Variants in CYSLTR1 observed in about 807,000 individuals in gnomAD.
CYSLTR1 encodes the protein cysteinyl leukotriene receptor 1, also known as G-protein coupled receptor HG55.
A neutral mutation model predicts 2.1 loss-of-function variants in CYSLTR1; 1 was observed. That is an observed-to-expected ratio of 0.48 (90% CI 0.17 to 2.28). The LOEUF (loss-of-function observed/expected upper bound fraction) is 2.28. CYSLTR1 is among the 30% of genes most tolerant of loss of function. The probability of loss-of-function intolerance (pLI) is 0.26; values close to 1 mark genes in which losing one functional copy is unlikely to be tolerated. For missense variants in CYSLTR1, 299 were observed against 250.1 expected, an observed-to-expected ratio of 1.20 and a Z score of -1.32; for synonymous variants, 110 against 89.6, an observed-to-expected ratio of 1.23 and a Z score of -1.28.
rs1217658979 is a variant in CYSLTR1, at chrX:78,271,720, C to G, written c.*1013G>C. Reference sequence around the variant, plus strand: ...TAATAAAACTTATCGTGAACTTTCACCCATAATGCATATCATACAGCAAAA... The same window carrying G: ...TAATAAAACTTATCGTGAACTTTCAGCCATAATGCATATCATACAGCAAAA... On this transcript the variant is annotated 3_prime_UTR_variant, in exon 3 of 3. Coordinates refer to ENST00000373304, the MANE Select transcript of CYSLTR1 (RefSeq NM_006639.4). The G allele has an allele frequency of 8.9e-6, 1 of 111,823 alleles. No individual in the cohort carries two copies. The highest frequency in any genetic ancestry group is 1.9e-5 in the Non-Finnish European group (1 of 53,158). The allele number at this position is 111,823 out of a possible 1,213,427, so 9.2% of individuals were successfully genotyped here. A position where few individuals can be genotyped will look rare whatever the true frequency, so the allele number is the denominator to read the frequency against.
intron 1 of CYSLTR1, among the ~76,000 whole-genome samples, chrX:78,322,674 C>T: frequency 8.9e-6 from 1 of 112,076 alleles, no homozygotes; most frequent in African/African-American, 3.2e-5. Flanking sequence ...CAATAAGTAG[C>T]TTTCTTACTT....
intron 1 of CYSLTR1, among the ~76,000 whole-genome samples, chrX:78,285,058 CAT>C (rs1341838674): frequency 9.2e-6 from 1 of 109,085 alleles, no homozygotes; most frequent in Non-Finnish European, 1.9e-5. Context: ...AGGCAATAAA[CAT>C]ATTTTTTTTA....
intron 1 of CYSLTR1, among the ~76,000 whole-genome samples, chrX:78,301,489 C>A (rs1370216469): frequency 8.9e-6 from 1 of 112,000 alleles, no homozygotes; most frequent in Non-Finnish European, 1.9e-5. Context: ...AGGGCAGGGG[C>A]AAAATGCCAC....
intron 1 of CYSLTR1, among the ~76,000 whole-genome samples, chrX:78,291,854 TTTC>T (rs1922344663): frequency 9.0e-6 from 1 of 110,564 alleles, no homozygotes; most frequent in South Asian, 3.8e-4. Flanking sequence ...TCTTCTCTCT[TTTC>T]TTCTTTATTA....
intron 1 of CYSLTR1, among the ~76,000 whole-genome samples, chrX:78,292,631 G>A (rs1428413316): frequency 9.0e-6 from 1 of 111,562 alleles, no homozygotes; most frequent in Non-Finnish European, 1.9e-5. Flanking sequence ...CTAAGGACTT[G>A]CTTTATGAAT....
intron 1 of CYSLTR1, among the ~76,000 whole-genome samples, chrX:78,317,824 G>A (rs962255382): frequency 9.0e-6 from 1 of 111,434 alleles, no homozygotes; most frequent in African/African-American, 3.3e-5. Flanking sequence ...TTGGGGACTC[G>A]GGGAAGGGTG....
intron 2 of CYSLTR1, among the ~76,000 whole-genome samples, chrX:78,279,296 T>C (rs753797435): frequency 9.0e-5 from 10 of 111,190 alleles, no homozygotes; most frequent in African/African-American, 2.9e-4. Context: ...GCAATGGACA[T>C]GAACAGACAC....
intron 1 of CYSLTR1, among the ~76,000 whole-genome samples, chrX:78,284,487 G>T (rs771724271): frequency 3.9e-4 from 43 of 111,201 alleles, no homozygotes; most frequent in African/African-American, 1.3e-3. Flanking sequence ...TCTGACCTCC[G>T]CCTCCCGGGT....
intron 1 of CYSLTR1, among the ~76,000 whole-genome samples, chrX:78,309,719 G>A (rs996831702): frequency 8.9e-6 from 1 of 111,951 alleles, no homozygotes. Flanking sequence ...GTTTGGGATT[G>A]AATGACTTAG....
intron 1 of CYSLTR1, among the ~76,000 whole-genome samples, chrX:78,305,414 C>A (rs1380238484): frequency 9.0e-6 from 1 of 111,606 alleles, no homozygotes; most frequent in Non-Finnish European, 1.9e-5. Context: ...CAAACTTCCA[C>A]CCTCACCCTT....
At chrX:78,308,440 G>T (rs1407238286) in intron 1 of CYSLTR1, among the ~76,000 whole-genome samples, 1 of 111,079 alleles carries the variant, frequency 9.0e-6, no homozygotes, top group Non-Finnish European at 1.9e-5. Context: ...AATTTCCTGA[G>T]GTTCAAGTGA....
At chrX:78,282,643 G>A (rs1053383561) in intron 2 of CYSLTR1, among the ~76,000 whole-genome samples, 1 of 111,902 alleles carries the variant, frequency 8.9e-6, no homozygotes, top group African/African-American at 3.2e-5. Flanking sequence ...GCACATGCTT[G>A]TAATCCTGGC....
At position 78,273,780 on chromosome X, in the gene CYSLTR1, T is replaced by C. The variant is rs1370639393; in HGVS notation, c.-27-7A>G. 2 of 1,142,918 alleles carry C rather than the reference T, an allele frequency of 1.7e-6. No individual in the cohort carries two copies. The highest frequency in any genetic ancestry group is 2.3e-6 in the Non-Finnish European group (2 of 862,175). The allele number at this position is 1,142,918 out of a possible 1,213,427, so 94.2% of individuals were successfully genotyped here. ...ACGAATGTCTGCTTTGTGCCTATAA[T>C]AAATAAAAAAAATTGTCAATTTTAA... On this transcript the variant is annotated splice_region_variant and splice_polypyrimidine_tract_variant and intron_variant, in intron 2 of 2. Coordinates refer to ENST00000373304, the MANE Select transcript of CYSLTR1 (RefSeq NM_006639.4).
intron 1 of CYSLTR1, among the ~76,000 whole-genome samples, chrX:78,305,311 T>C (rs1199655192): frequency 9.0e-6 from 1 of 111,513 alleles, no homozygotes; most frequent in Non-Finnish European, 1.9e-5. Flanking sequence ...TTTGTATATT[T>C]TTGGAAATTT....
chrX:78,303,486 G>T (rs754679442), intron 1 of CYSLTR1, among the ~76,000 whole-genome samples: 1 of 109,537 alleles, frequency 9.1e-6, no homozygotes, highest in Admixed American at 9.7e-5. Flanking sequence ...AATCAGTGGA[G>T]CCTTCTATTT....
chrX:78,301,488 G>A (rs1922819712), intron 1 of CYSLTR1, among the ~76,000 whole-genome samples: 1 of 111,907 alleles, frequency 8.9e-6, no homozygotes, highest in Non-Finnish European at 1.9e-5. Context: ...TAGGGCAGGG[G>A]CAAAATGCCA....
intron 1 of CYSLTR1, chrX:78,320,642 G>A (rs1252205346): frequency 1.8e-5 from 2 of 111,654 alleles, no homozygotes; most frequent in East Asian, 5.6e-4. Flanking sequence ...TTCCAATTCT[G>A]TGAAGAAAGT....
intron 2 of CYSLTR1, among the ~76,000 whole-genome samples, chrX:78,280,053 C>T (rs1015753980): frequency 9.0e-6 from 1 of 110,877 alleles, no homozygotes; most frequent in African/African-American, 3.3e-5. Flanking sequence ...CTCAGCATCA[C>T]ACAATATACC....
At chrX:78,289,942 T>C (rs1323679133) in intron 1 of CYSLTR1, among the ~76,000 whole-genome samples, 2 of 112,018 alleles carry the variant, frequency 1.8e-5, no homozygotes, top group Non-Finnish European at 3.8e-5. Flanking sequence ...TAGTTTCTTC[T>C]GCTGTGCAGA....
Sources: allele counts gnomAD v4.1 joint callset (sites outside exome capture counted in the v4.1 genomes callset), GRCh38; gene constraint gnomAD v4.1.1; transcripts MANE v1.5; gene names NCBI Gene and HGNC (gene_info 2026-07-23, HGNC 2026-07-21).